Variants in GTF2IRD2B observed in about 807,000 individuals in gnomAD.
The protein encoded by GTF2IRD2B is GTF2I repeat domain containing 2B.
In GTF2IRD2B, 10 loss-of-function variants were observed where a neutral mutation model predicts 55.6. The observed-to-expected ratio is 0.18, with a 90% CI of 0.11 to 0.31. The LOEUF is 0.31. GTF2IRD2B is among the 10% of genes least tolerant of loss of function. GTF2IRD2B has a pLI of 1.00. For synonymous variants in GTF2IRD2B, 107 were observed against 320.5 expected (o/e 0.33, Z 7.12); for missense variants, 206 against 802.7 (o/e 0.26, Z 8.98).
At position 75,101,774 on chromosome 7, in the gene GTF2IRD2B, A is replaced by T. The variant is rs1477996174; in HGVS notation, c.-5-7186A>T. Among the ~76,000 whole-genome samples, 10 of 147,612 alleles carry T rather than the reference A, an allele frequency of 6.8e-5. No homozygotes were observed. In the East Asian group the frequency reaches 1.9e-3, roughly 27 times the overall value. On this transcript the variant is annotated intron_variant, in intron 1 of 15. Coordinates refer to ENST00000472837, the MANE Select transcript of GTF2IRD2B (RefSeq NM_001003795.3). ...CTGGGCATGGTGGTGCACGCCTGTAATCCTAGCTACTCAGGAGGCTGAGGC... is the reference window on the plus strand; with the variant it reads ...CTGGGCATGGTGGTGCACGCCTGTATTCCTAGCTACTCAGGAGGCTGAGGC...
rs587617394 is a variant in GTF2IRD2B at position 75,103,070 on chromosome 7, G to A, written c.-5-5890G>A. On this transcript the variant is annotated intron_variant, in intron 1 of 15. Transcript: ENST00000472837. ...AGGCGTGTGGATCAACTGAGGTTAG[G>A]AGTTCAAGACCGGCCTGGCCAACAT... is the stretch of plus-strand genomic sequence containing the variant. 2.6e-5 allele frequency among the ~76,000 whole-genome samples: 4 copies of A among 151,780 alleles called. No individual in the cohort carries two copies. In the East Asian group the frequency reaches 7.7e-4, roughly 29 times the overall value.
chr7:75,093,556 C>T (rs1807335784), intron 1 of GTF2IRD2B, among the ~76,000 whole-genome samples: 2 of 152,384 alleles, frequency 1.3e-5, no homozygotes, highest in East Asian at 3.8e-4. Flanking sequence ...GCCGTCATTC[C>T]CCGGTCCCCA....
chr7:75,117,413 T>C (rs1554537131), intron 3 of GTF2IRD2B, among the ~76,000 whole-genome samples: 1 of 152,296 alleles, frequency 6.6e-6, no homozygotes, highest in Non-Finnish European at 1.5e-5. Context: ...GAGAATCGCT[T>C]GAACCCGGGA....
chr7:75,123,768 C>G, intron 6 of GTF2IRD2B: 1 of 518,848 alleles, frequency 1.9e-6, no homozygotes, highest in Non-Finnish European at 3.5e-6. Context: ...GTCCCAGCTA[C>G]TCGGGAGTCT....
intron 3 of GTF2IRD2B, among the ~76,000 whole-genome samples, chr7:75,120,366 C>A (rs1381935344): frequency 1.9e-5 from 1 of 52,688 alleles, no homozygotes; most frequent in Non-Finnish European, 3.5e-5. Context: ...AACTGTATAG[C>A]AAATCAAATT....
At chr7:75,105,525 C>T (rs1218332158) in intron 1 of GTF2IRD2B, among the ~76,000 whole-genome samples, 3 of 152,296 alleles carry the variant, frequency 2.0e-5, no homozygotes, top group African/African-American at 7.2e-5. Context: ...AAACAGACAA[C>T]CAAATCTTTC....
chr7:75,113,838 C>T (rs1808049720), intron 3 of GTF2IRD2B, among the ~76,000 whole-genome samples: 1 of 120,588 alleles, frequency 8.3e-6, no homozygotes, highest in South Asian at 2.6e-4. Flanking sequence ...AGAGGGGTCT[C>T]TATGGATTGG....
chr7:75,148,277 G>A lies in GTF2IRD2B; in HGVS notation c.1830G>A (p.Trp610Ter), dbSNP rs1563102242. The A allele has an allele frequency of 1.9e-6, 3 of 1,613,772 alleles. No individual in the cohort carries two copies. The highest frequency in any genetic ancestry group is 1.3e-5 in the African/African-American group (1 of 74,960). The change falls in exon 16 of 16, where the codon TGG becomes TGA. Residue 610 changes from tryptophan to a stop codon, truncating the protein, a stop_gained. Coordinates refer to ENST00000472837, the MANE Select transcript of GTF2IRD2B (RefSeq NM_001003795.3). LOFTEE classifies it high-confidence loss of function. ...EKSLKKFCIN[W>*]SRLVSVASTG... ...GCCTGAAAAAGTTCTGTATCAACTG[G>A]TCGAGATTAGTAAGCGTGGCCTCCA...
chr7:75,148,158 G>T lies in GTF2IRD2B; in HGVS notation c.1711G>T (p.Asp571Tyr). The change falls in exon 16 of 16, where the codon GAT (aspartate) becomes TAT (tyrosine). Residue 571 changes from aspartate to tyrosine, a missense_variant. Physicochemically the swap from Asp to Tyr is radical, Grantham distance 160. Coordinates refer to ENST00000472837, the MANE Select transcript of GTF2IRD2B (RefSeq NM_001003795.3). ...GTTGGCCATATTCATCCGTGGTGTC[G>T]ATGAGAATTTCGATGTGTCCGAAGA... ...TQLAIFIRGV[D>Y]ENFDVSEELL... The T allele has an allele frequency of 6.2e-7, 1 of 1,613,320 alleles. No individual in the cohort carries two copies. The highest frequency in any genetic ancestry group is 8.5e-7 in the Non-Finnish European group (1 of 1,179,546).
At chr7:75,102,011 G>T (rs1807584123) in intron 1 of GTF2IRD2B, among the ~76,000 whole-genome samples, 1 of 150,052 alleles carries the variant, frequency 6.7e-6, no homozygotes, top group African/African-American at 2.4e-5. Context: ...GTTTTGTTTT[G>T]TTTTTTTGTG....
chr7:75,100,138 C>T (rs1807497137), intron 1 of GTF2IRD2B, among the ~76,000 whole-genome samples: 1 of 108,894 alleles, frequency 9.2e-6, no homozygotes, highest in East Asian at 2.2e-4. Context: ...GGCCTGTAGT[C>T]CCAGCTACTC....
intron 12 of GTF2IRD2B, among the ~76,000 whole-genome samples, 183 bp downstream of exon 12, chr7:75,139,210 G>A (rs587685099): frequency 9.2e-5 from 1 of 10,882 alleles, no homozygotes; most frequent in Admixed American, 1.1e-3. Flanking sequence ...ATTATTAATC[G>A]GATATTTTGC....
At chr7:75,099,903 AG>A in intron 1 of GTF2IRD2B, among the ~76,000 whole-genome samples, 1 of 129,772 alleles carries the variant, frequency 7.7e-6, no homozygotes. Context: ...ACCTGAGGTC[AG>A]GGGTTCAAGA....
In GTF2IRD2B at chr7:75,148,316, G is replaced by A. The variant is rs782628332; in HGVS notation, c.1869G>A (p.Ala623=). The part of the protein sequence containing the change: ...LVSVASTGTP[A]MVDANNGLVT... ...GCGTGGCCTCCACTGGCACCCCAGCGATGGTGGATGCCAATAACGGGCTTG... is the reference window on the plus strand; with the variant it reads ...GCGTGGCCTCCACTGGCACCCCAGCAATGGTGGATGCCAATAACGGGCTTG... The change falls in exon 16 of 16, where the codon GCG becomes GCA. Residue 623 remains alanine, a synonymous_variant. Transcript: ENST00000472837. 1.2e-6 allele frequency: 2 copies of A among 1,613,614 alleles called. No individual in the cohort carries two copies. The highest frequency in any genetic ancestry group is 1.7e-6 in the Non-Finnish European group (2 of 1,179,812).
At chr7:75,104,706 C>T (rs1554449956) in intron 1 of GTF2IRD2B, among the ~76,000 whole-genome samples, 3 of 152,236 alleles carry the variant, frequency 2.0e-5, no homozygotes, top group South Asian at 4.1e-4. Context: ...CACGTCTTTG[C>T]CGTTACATAT....
At chr7:75,147,515 G>A (rs1349789803) in intron 15 of GTF2IRD2B, among the ~76,000 whole-genome samples, 179 bp from the exon 16 acceptor site, 8 of 151,976 alleles carry the variant, frequency 5.3e-5, no homozygotes, top group Admixed American at 1.3e-4. Flanking sequence ...TCCTGGCAGC[G>A]GTTTGCTGGA....
At chr7:75,132,308 G>A (rs1201572237) in intron 8 of GTF2IRD2B, among the ~76,000 whole-genome samples, 39 of 123,220 alleles carry the variant, frequency 3.2e-4, no homozygotes, top group Non-Finnish European at 6.1e-4. Context: ...GCAGTGAGCC[G>A]AGATCATGCC....
intron 3 of GTF2IRD2B, among the ~76,000 whole-genome samples, chr7:75,119,106 A>T (rs1554451641): frequency 7.5e-6 from 1 of 133,046 alleles, no homozygotes; most frequent in Non-Finnish European, 1.6e-5. Context: ...AGGCACAAGA[A>T]TTGCTTGAAC....
intron 8 of GTF2IRD2B, among the ~76,000 whole-genome samples, chr7:75,132,811 C>A (rs1808709467): frequency 6.7e-6 from 1 of 149,128 alleles, no homozygotes. Context: ...CCTCAGCCTT[C>A]CAAAGTACTG....
Sources: gnomAD v4.1 joint callset for allele counts (sites outside exome capture counted in the v4.1 genomes callset) on GRCh38, gnomAD v4.1.1 for gene constraint, MANE v1.5 for transcripts, NCBI Gene and HGNC (gene_info 2026-07-23, HGNC 2026-07-21) for gene names.